CRPPA: variants seen among roughly 807,000 people sequenced by gnomAD.
CRPPA encodes the protein D-ribitol-5-phosphate cytidylyltransferase.
A neutral mutation model predicts 52.0 loss-of-function variants in CRPPA; 43 were observed. That is an observed-to-expected ratio of 0.83 (90% CI 0.65 to 1.07). The LOEUF is 1.07. Ranked by LOEUF, CRPPA falls within the 50% of genes least tolerant of loss-of-function variation. The pLI, the probability that CRPPA is intolerant of heterozygous loss-of-function variation, is 0.00. For synonymous variants in CRPPA, 250 were observed against 203.5 expected (o/e 1.23, Z -1.94); for missense variants, 629 against 551.7 (o/e 1.14, Z -1.40).
At chr7:16,398,180 C>T (rs546490888) in intron 2 of CRPPA, among the ~76,000 whole-genome samples, 2 of 152,200 alleles carry the variant, frequency 1.3e-5, no homozygotes, top group East Asian at 3.9e-4. Context: ...CATGATCGGC[C>T]TGTTGCCAAC....
chr7:16,218,086 A>T (rs947910662), intron 8 of CRPPA, among the ~76,000 whole-genome samples: 1 of 152,170 alleles, frequency 6.6e-6, no homozygotes, highest in Non-Finnish European at 1.5e-5. Context: ...GACTAACAGC[A>T]GATCTCTCCG....
intron 3 of CRPPA, among the ~76,000 whole-genome samples, chr7:16,368,601 G>T (rs1786668877): frequency 6.6e-6 from 1 of 152,092 alleles, no homozygotes; most frequent in Non-Finnish European, 1.5e-5. Context: ...GGCATATATA[G>T]ATTTTATATA....
intron 3 of CRPPA, among the ~76,000 whole-genome samples, chr7:16,356,771 A>C (rs563210679): frequency 1.3e-5 from 2 of 152,118 alleles, no homozygotes; most frequent in African/African-American, 4.8e-5. Flanking sequence ...GCCATTTCCA[A>C]CATCTGGGTC....
At chr7:16,168,381 A>G (rs142946913) in intron 9 of CRPPA, among the ~76,000 whole-genome samples, 2 of 152,300 alleles carry the variant, frequency 1.3e-5, no homozygotes, top group African/African-American at 4.8e-5. Context: ...TACACAAACC[A>G]GTATTAATGG....
At chr7:16,217,876 T>C (rs1378245907) in intron 8 of CRPPA, among the ~76,000 whole-genome samples, 1 of 151,956 alleles carries the variant, frequency 6.6e-6, no homozygotes, top group Non-Finnish European at 1.5e-5. Context: ...TGCAGGATAT[T>C]ATCCAGGAGA....
At chr7:16,320,283 A>T (rs77629274) in intron 3 of CRPPA, among the ~76,000 whole-genome samples, 1 of 152,152 alleles carries the variant, frequency 6.6e-6, no homozygotes, top group Non-Finnish European at 1.5e-5. Context: ...AAGTGGTTTC[A>T]ATTTATGTTT....
intron 3 of CRPPA, among the ~76,000 whole-genome samples, chr7:16,318,955 C>T (rs879880718): frequency 1.3e-5 from 2 of 152,164 alleles, no homozygotes; most frequent in Non-Finnish European, 2.9e-5. Context: ...TGCTGTCTCT[C>T]GACTTTTCCA....
rs10243886 is a variant in CRPPA at position 16,230,236 on chromosome 7, C to A, written c.1120-14039G>T. Among the ~76,000 whole-genome samples the A allele has an allele frequency of 8.0e-3, 1,214 of 152,242 alleles. 15 individuals carry two copies. Among genetic ancestry groups the A allele is most frequent in the African/African-American group, 0.028 (1,155 of 41,562 alleles). On this transcript the variant is annotated intron_variant, in intron 8 of 9. Coordinates refer to ENST00000407010, the MANE Select transcript of CRPPA (RefSeq NM_001101426.4). ...TTAAGTAAGCTTTCTGTCTTTTTCT[C>A]CTTCTTTAATGCCTGTGACTCAAAG... is the stretch of plus-strand genomic sequence containing the variant.
At chr7:16,189,805 T>C (rs748814730) in intron 9 of CRPPA, among the ~76,000 whole-genome samples, 6 of 152,156 alleles carry the variant, frequency 3.9e-5, no homozygotes, top group Non-Finnish European at 7.4e-5. Flanking sequence ...AGAAATAGAA[T>C]ACAGACCACA....
chr7:16,398,928 T>A (rs577780723), intron 2 of CRPPA, among the ~76,000 whole-genome samples: 89 of 152,232 alleles, frequency 5.8e-4, no homozygotes, highest in African/African-American at 2.1e-3. Context: ...GATCGAGTCG[T>A]TACTGACACG....
intron 9 of CRPPA, among the ~76,000 whole-genome samples, chr7:16,184,662 T>C (rs757406102): frequency 3.9e-5 from 6 of 152,170 alleles, no homozygotes; most frequent in Non-Finnish European, 5.9e-5. Context: ...ATAAAACAAA[T>C]AGAGTTTCCT....
chr7:16,238,654 A>G (rs989610615), intron 8 of CRPPA, among the ~76,000 whole-genome samples: 5 of 152,224 alleles, frequency 3.3e-5, no homozygotes, highest in African/African-American at 1.2e-4. Flanking sequence ...GAGTCTTGTG[A>G]TAAGAATTAA....
rs1214550893 is a variant in CRPPA at position 16,090,146 on chromosome 7, C to G, written c.*1549G>C. On this transcript the variant is annotated 3_prime_UTR_variant, in exon 10 of 10. Coordinates refer to ENST00000407010, the MANE Select transcript of CRPPA (RefSeq NM_001101426.4). ...ACTTAAATTAATGGATTTTAAATTT[C>G]TTAATATTCCTAGAGAGAGAAAAAG... 1.3e-5 allele frequency: 2 copies of G among 152,078 alleles called. No homozygotes were observed. Among genetic ancestry groups the G allele is most frequent in the Admixed American group, 1.3e-4 (2 of 15,260 alleles). The allele number at this position is 152,078 out of a possible 1,614,324, so 9.4% of individuals were successfully genotyped here.
At chr7:16,230,117 C>A (rs1293663700) in intron 8 of CRPPA, among the ~76,000 whole-genome samples, 1 of 152,068 alleles carries the variant, frequency 6.6e-6, no homozygotes, top group Non-Finnish European at 1.5e-5. Context: ...CTTGGAGAGT[C>A]ACCTTATTTG....
At chr7:16,271,600 T>C (rs1047832929) in intron 6 of CRPPA, among the ~76,000 whole-genome samples, 2 of 152,166 alleles carry the variant, frequency 1.3e-5, no homozygotes, top group Non-Finnish European at 2.9e-5. Context: ...TTTATGTGCC[T>C]TTCACATACT....
At chr7:16,289,999 A>T (rs1784527528) in intron 5 of CRPPA, among the ~76,000 whole-genome samples, 1 of 152,182 alleles carries the variant, frequency 6.6e-6, no homozygotes, top group African/African-American at 2.4e-5. Flanking sequence ...AACATACAAA[A>T]ATCAGTCATA....
chr7:16,138,371 T>C (rs1054495884), intron 9 of CRPPA, among the ~76,000 whole-genome samples: 2 of 152,138 alleles, frequency 1.3e-5, no homozygotes, highest in Admixed American at 6.6e-5. Flanking sequence ...TAAAATTATC[T>C]TTTAGTATGG....
intron 1 of CRPPA, among the ~76,000 whole-genome samples, chr7:16,418,926 T>C (rs1367416056): frequency 6.6e-6 from 1 of 152,152 alleles, no homozygotes; most frequent in Non-Finnish European, 1.5e-5. Context: ...AAAAGTTTAG[T>C]GTAAAAGTGA....
At chr7:16,164,711 T>C (rs1489121291) in intron 9 of CRPPA, among the ~76,000 whole-genome samples, 1 of 152,200 alleles carries the variant, frequency 6.6e-6, no homozygotes, top group Non-Finnish European at 1.5e-5. Flanking sequence ...ATCCTTTCTG[T>C]TGATGTTGAT....
Sources: gnomAD v4.1 joint callset for allele counts (sites outside exome capture counted in the v4.1 genomes callset) on GRCh38, gnomAD v4.1.1 for gene constraint, MANE v1.5 for transcripts, NCBI Gene and HGNC (gene_info 2026-07-23, HGNC 2026-07-21) for gene names.